Variants in SV2C observed in about 807,000 individuals in gnomAD.
SV2C encodes solute carrier family 22 member B3.
SV2C carries 49 observed loss-of-function variants against 79.7 expected under a neutral mutation model. That is an observed-to-expected ratio of 0.61 (90% CI 0.49 to 0.78). SV2C has a LOEUF of 0.78. Ranked by LOEUF, SV2C falls within the 30% of genes least tolerant of loss-of-function variation. The probability of loss-of-function intolerance (pLI) is 0.00; values close to 1 mark genes in which losing one functional copy is unlikely to be tolerated. For synonymous variants in SV2C, 334 were observed against 333.2 expected (o/e 1.00, Z -0.03); for missense variants, 833 against 912.9 (o/e 0.91, Z 1.13).
At chr5:76,076,105 A>T in the SV2C span, among the ~76,000 whole-genome samples, 1 of 152,350 alleles carries the variant, frequency 6.6e-6, no homozygotes, top group South Asian at 2.1e-4. Flanking sequence ...ATATTGTTTC[A>T]AGCCCTGCTG....
At chr5:75,945,533 G>C in the SV2C span, among the ~76,000 whole-genome samples, 1 of 151,608 alleles carries the variant, frequency 6.6e-6, no homozygotes, top group East Asian at 1.9e-4. Context: ...TGCTCAGGCT[G>C]GTCTCAAACT....
the SV2C span, among the ~76,000 whole-genome samples, chr5:75,858,813 A>G: frequency 6.6e-6 from 1 of 151,982 alleles, no homozygotes; most frequent in African/African-American, 2.4e-5. Context: ...GGATTTCTTC[A>G]TGGTTCACTC....
chr5:76,065,995 C>T, the SV2C span, among the ~76,000 whole-genome samples: 699 of 152,172 alleles, frequency 4.6e-3, 11 homozygotes, highest in East Asian at 0.064. Flanking sequence ...AATAGCAGCA[C>T]CAGTTTAAAC....
intron 3 of SV2C, among the ~76,000 whole-genome samples, chr5:76,203,583 G>C (rs1744518162): frequency 6.6e-6 from 1 of 152,078 alleles, no homozygotes; most frequent in South Asian, 2.1e-4. Flanking sequence ...TACTAAGTCT[G>C]CTACTGTGGA....
chr5:76,059,608 A>G, the SV2C span, among the ~76,000 whole-genome samples: 1 of 151,666 alleles, frequency 6.6e-6, no homozygotes, highest in Non-Finnish European at 1.5e-5. Flanking sequence ...TTCTCTTACT[A>G]TTTCCACCAC....
intron 4 of SV2C, among the ~76,000 whole-genome samples, chr5:76,258,092 G>A (rs1746347342): frequency 6.7e-6 from 1 of 149,216 alleles, no homozygotes; most frequent in Non-Finnish European, 1.5e-5. Context: ...GGTATGTGGT[G>A]TGTGTGAAGT....
chr5:76,287,915 T>C (rs1373454771), intron 6 of SV2C, among the ~76,000 whole-genome samples: 2 of 152,030 alleles, frequency 1.3e-5, no homozygotes, highest in African/African-American at 4.8e-5. Context: ...TGAAACCCCA[T>C]CTCTGCTAAA....
At chr5:75,951,856 T>G in the SV2C span, among the ~76,000 whole-genome samples, 1 of 152,020 alleles carries the variant, frequency 6.6e-6, no homozygotes, top group Non-Finnish European at 1.5e-5. Flanking sequence ...ATTTGTGGAC[T>G]CAAAGAAAAC....
rs149987121 is a variant in SV2C at position 76,191,118 on chromosome 5, G to A, written c.581-3801G>A. Among the ~76,000 whole-genome samples, 248 of 152,300 alleles carry A rather than the reference G, an allele frequency of 1.6e-3. 1 individual carries two copies. Among genetic ancestry groups the A allele is most frequent in the Non-Finnish European group, 2.9e-3 (196 of 68,028 alleles). Reference sequence around the variant, plus strand: ...GAGGCCTCAGGAAACTTACAATCATGGTGGAAGGCAAAGGGGAAGCAGGCA... The same window carrying A: ...GAGGCCTCAGGAAACTTACAATCATAGTGGAAGGCAAAGGGGAAGCAGGCA... On this transcript the variant is annotated intron_variant, in intron 2 of 12. Transcript: ENST00000502798.
the SV2C span, among the ~76,000 whole-genome samples, chr5:75,978,316 C>T: frequency 6.6e-6 from 1 of 152,168 alleles, no homozygotes. Context: ...TATTCCTCTC[C>T]TTCTTATTCT....
chr5:76,239,452 C>G (rs147890633), intron 4 of SV2C, among the ~76,000 whole-genome samples: 58 of 152,296 alleles, frequency 3.8e-4, no homozygotes, highest in African/African-American at 1.3e-3. Flanking sequence ...TTCTCTGGGT[C>G]AGGAATTTAG....
At chr5:76,056,399 T>G in the SV2C span, among the ~76,000 whole-genome samples, 1 of 152,150 alleles carries the variant, frequency 6.6e-6, no homozygotes, top group East Asian at 1.9e-4. Flanking sequence ...TTTGTCAGTA[T>G]TTTATTGAGG....
chr5:76,005,053 GT>G, the SV2C span, among the ~76,000 whole-genome samples: 1 of 152,144 alleles, frequency 6.6e-6, no homozygotes, highest in Non-Finnish European at 1.5e-5. Flanking sequence ...TTTGTCCAGT[GT>G]TTTCTAAACC....
the SV2C span, among the ~76,000 whole-genome samples, chr5:75,920,238 T>C: frequency 6.6e-6 from 1 of 152,206 alleles, no homozygotes; most frequent in Non-Finnish European, 1.5e-5. Flanking sequence ...GATGTGGTAC[T>C]GACTTCATGG....
At chr5:75,942,728 T>C in the SV2C span, among the ~76,000 whole-genome samples, 1 of 152,206 alleles carries the variant, frequency 6.6e-6, no homozygotes, top group African/African-American at 2.4e-5. Flanking sequence ...CAAACTCAAC[T>C]ATCTTGGGAA....
intron 2 of SV2C, among the ~76,000 whole-genome samples, chr5:76,147,177 A>G (rs1749463205): frequency 6.6e-6 from 1 of 152,200 alleles, no homozygotes; most frequent in East Asian, 1.9e-4. Flanking sequence ...ATACCATTGA[A>G]TTGTACACTC....
chr5:76,118,958 G>A (rs1012029825), intron 1 of SV2C, among the ~76,000 whole-genome samples: 4 of 152,148 alleles, frequency 2.6e-5, no homozygotes, highest in Admixed American at 2.0e-4. Flanking sequence ...ACTCCAGCCT[G>A]GGCAACAAAG....
At chr5:75,893,916 G>T in the SV2C span, among the ~76,000 whole-genome samples, 1 of 152,122 alleles carries the variant, frequency 6.6e-6, no homozygotes, top group Non-Finnish European at 1.5e-5. Flanking sequence ...TTTGATCTGC[G>T]AATGACAGCC....
chr5:76,099,365 CGTGTGTGTGT>C lies in SV2C; in HGVS notation c.-102+15874_-102+15883del, dbSNP rs10582798. Among the ~76,000 whole-genome samples, 3 of 148,506 alleles carry C rather than the reference CGTGTGTGTGT, an allele frequency of 2.0e-5. No individual in the cohort carries two copies. The East Asian group carries it at 6.0e-4, about 29-fold the overall frequency. ...TGCCATATTAGTGCTTTCTTTTGCTCGTGTGTGTGTGTGTGTGTGTGTGTGTGTGTCTTGT... is the reference window on the plus strand; with the variant it reads ...TGCCATATTAGTGCTTTCTTTTGCTCGTGTGTGTGTGTGTGTGTGTCTTGT... On this transcript the variant is annotated intron_variant, in intron 1 of 12. Coordinates refer to ENST00000502798, the MANE Select transcript of SV2C (RefSeq NM_014979.4).
Sources: gnomAD v4.1 joint callset for allele counts (sites outside exome capture counted in the v4.1 genomes callset) on GRCh38, gnomAD v4.1.1 for gene constraint, MANE v1.5 for transcripts, NCBI Gene and HGNC (gene_info 2026-07-23, HGNC 2026-07-21) for gene names.